Variants in MTMR7 observed in about 807,000 individuals in gnomAD.
MTMR7 encodes the protein myotubularin related protein 7.
Under a neutral mutation model 81.2 loss-of-function variants are expected in MTMR7, and 76 were observed. The observed-to-expected ratio is 0.94, with a 90% CI of 0.78 to 1.13. The LOEUF is 1.13. Ranked by LOEUF, MTMR7 falls within the 50% of genes most tolerant of loss-of-function variation. The pLI, the probability that MTMR7 is intolerant of heterozygous loss-of-function variation, is 0.00. For missense variants in MTMR7, 1,044 were observed against 820.0 expected (o/e 1.27, Z -3.34); for synonymous variants, 372 against 289.8 (o/e 1.28, Z -2.88).
intron 1 of MTMR7, among the ~76,000 whole-genome samples, chr8:17,382,598 C>G (rs1820793245): frequency 6.6e-6 from 1 of 152,154 alleles, no homozygotes; most frequent in Non-Finnish European, 1.5e-5. Flanking sequence ...TTTTTGCAAT[C>G]TTTAATGTTG....
At chr8:17,315,906 G>C (rs1481805334) in intron 7 of MTMR7, among the ~76,000 whole-genome samples, 1 of 152,130 alleles carries the variant, frequency 6.6e-6, no homozygotes, top group East Asian at 1.9e-4. Context: ...CCAGCTACTT[G>C]GGAGGCTGAG....
intron 1 of MTMR7, among the ~76,000 whole-genome samples, chr8:17,401,943 T>A (rs1167051971): frequency 1.3e-5 from 2 of 152,222 alleles, no homozygotes; most frequent in Admixed American, 6.5e-5. Context: ...CTTAAGGAAC[T>A]ATGGAATGAC....
chr8:17,395,628 T>C (rs1563377995), intron 1 of MTMR7, among the ~76,000 whole-genome samples: 2 of 152,226 alleles, frequency 1.3e-5, no homozygotes, highest in African/African-American at 2.4e-5. Flanking sequence ...CTAATGGGTA[T>C]AAAGTGGTAT....
At chr8:17,380,847 T>C (rs553061724) in intron 1 of MTMR7, among the ~76,000 whole-genome samples, 1 of 152,334 alleles carries the variant, frequency 6.6e-6, no homozygotes, top group South Asian at 2.1e-4. Flanking sequence ...GAAAATAGAA[T>C]GCTTTAAGAC....
intron 7 of MTMR7, among the ~76,000 whole-genome samples, chr8:17,325,343 G>A (rs531072237): frequency 5.5e-4 from 83 of 152,244 alleles, no homozygotes; most frequent in African/African-American, 1.9e-3. Flanking sequence ...CACACCGAAT[G>A]AAGATTTCAA....
In MTMR7 at chr8:17,371,052, G is replaced by A. The variant is rs768108975; in HGVS notation, c.295C>T (p.Arg99Cys). The A allele has an allele frequency of 3.8e-5, 62 of 1,613,420 alleles. No homozygotes were observed. The highest frequency in any genetic ancestry group is 2.9e-4 in the East Asian group (13 of 44,846). The change falls in exon 3 of 14, where the codon CGC becomes TGC. Residue 99 changes from arginine (R) to cysteine (C), a missense_variant. Coordinates refer to ENST00000180173, the MANE Select transcript of MTMR7 (RefSeq NM_004686.5). ...DCHDVYISLIRLARPVKYEEL... is the reference protein window; with the variant it reads ...DCHDVYISLICLARPVKYEEL... ...TCTGCCCTACCTGGCCTTGCAAGGC[G>A]TATCAGGGAGATGTACACGTCGTGG...
intron 1 of MTMR7, among the ~76,000 whole-genome samples, chr8:17,401,593 T>G (rs908422452): frequency 6.6e-6 from 1 of 151,138 alleles, no homozygotes; most frequent in Non-Finnish European, 1.5e-5. Context: ...CAGGAAAGAG[T>G]TGATAGTATT....
intron 7 of MTMR7, among the ~76,000 whole-genome samples, chr8:17,323,105 G>A (rs541491052): frequency 4.6e-5 from 7 of 151,456 alleles, no homozygotes; most frequent in Non-Finnish European, 7.4e-5. Flanking sequence ...ACACCACCAC[G>A]CCCAGCTAAT....
Position 17,311,609 on chromosome 8 carries a change from G to C in MTMR7, c.1003C>G (p.Leu335Val). 3.7e-6 allele frequency: 6 copies of C among 1,614,060 alleles called. No homozygotes were observed. Among genetic ancestry groups the C allele is most frequent in the Non-Finnish European group, 5.1e-6 (6 of 1,180,002 alleles). The change falls in exon 9 of 14, where the codon CTT becomes GTT. Residue 335 changes from leucine to valine, a missense_variant. Coordinates refer to ENST00000180173, the MANE Select transcript of MTMR7 (RefSeq NM_004686.5). ...TCCCAGCCATCAGAACAGTGAACAA[G>C]CACACTTGCCCCTTCCTCTGACACT... Reference protein sequence around the residue: ...KAVSEEGASVLVHCSDGWDRT... With the variant: ...KAVSEEGASVVVHCSDGWDRT...
chr8:17,331,989 GT>G (rs1475370671), intron 6 of MTMR7, among the ~76,000 whole-genome samples: 1 of 152,208 alleles, frequency 6.6e-6, no homozygotes, highest in Non-Finnish European at 1.5e-5. Flanking sequence ...ATCTGAAGAA[GT>G]TTATTAAATC....
chr8:17,339,095 A>G (rs1318263816), intron 6 of MTMR7: 1 of 152,224 alleles, frequency 6.6e-6, no homozygotes, highest in Non-Finnish European at 1.5e-5. Flanking sequence ...GTATCCACAC[A>G]AAGGATAGGA....
Position 17,297,358 on chromosome 8 carries a change from A to G in MTMR7, c.*2504T>C, listed in dbSNP as rs987136878. On this transcript the variant is annotated 3_prime_UTR_variant, in exon 14 of 14. Transcript: ENST00000180173. ...GGCATAAATTGAGACTAGGAAATTTATATCAGAATAGAGGGTGCTTGACAC... is the reference window on the plus strand; with the variant it reads ...GGCATAAATTGAGACTAGGAAATTTGTATCAGAATAGAGGGTGCTTGACAC... The G allele has an allele frequency of 2.6e-5, 4 of 152,154 alleles. 1 individual carries two copies. The highest frequency in any genetic ancestry group is 2.0e-4 in the Admixed American group (3 of 15,270). 9.4% of individuals were successfully genotyped at this position (152,154 alleles called of 1,614,324 possible). A position where few individuals can be genotyped will look rare whatever the true frequency, so the allele number is the denominator to read the frequency against.
chr8:17,307,901 G>C (rs10453160), intron 10 of MTMR7, among the ~76,000 whole-genome samples: 3 of 151,210 alleles, frequency 2.0e-5, no homozygotes, highest in East Asian at 2.0e-4. Context: ...GTGGCGGGAG[G>C]GGGGAGGGAT....
chr8:17,351,305 A>C (rs1819722387), intron 4 of MTMR7, among the ~76,000 whole-genome samples: 1 of 152,202 alleles, frequency 6.6e-6, no homozygotes, highest in South Asian at 2.1e-4. Flanking sequence ...AGAGCAAGAG[A>C]TAAGCTCCTG....
At chr8:17,347,769 A>G (rs11997467) in intron 5 of MTMR7, among the ~76,000 whole-genome samples, 20,056 of 152,126 alleles carry the variant, frequency 0.13, 3,363 homozygotes, top group East Asian at 0.39. Flanking sequence ...AGTTTTAGCT[A>G]TTTTAATGGC....
At chr8:17,403,951 C>T (rs1821500783) in intron 1 of MTMR7, among the ~76,000 whole-genome samples, 1 of 152,160 alleles carries the variant, frequency 6.6e-6, no homozygotes, top group Admixed American at 6.6e-5. Flanking sequence ...AATTCTTTGT[C>T]AGTTCCAATC....
intron 4 of MTMR7, among the ~76,000 whole-genome samples, chr8:17,351,971 G>C (rs934357180): frequency 2.0e-5 from 3 of 152,162 alleles, no homozygotes; most frequent in Non-Finnish European, 4.4e-5. Context: ...TAAATGGTAA[G>C]ATACCTGTGT....
rs76718364 is a variant in MTMR7, at chr8:17,413,255, C to G, written c.24+14G>C. ...TCCTCCCGTCCCTCCTCCGCCCGCG[C>G]TGGTGTCACCAACCTTGGGCGTACG... is the stretch of plus-strand genomic sequence containing the variant. On this transcript the variant is annotated intron_variant, in intron 1 of 13. Coordinates refer to ENST00000180173, the MANE Select transcript of MTMR7 (RefSeq NM_004686.5). The G allele has an allele frequency of 2.6e-6, 4 of 1,548,146 alleles. No homozygotes were observed. Among genetic ancestry groups the G allele is most frequent in the South Asian group, 1.2e-5 (1 of 84,000 alleles).
intron 3 of MTMR7, among the ~76,000 whole-genome samples, chr8:17,362,963 C>A (rs1057151800): frequency 6.6e-6 from 1 of 152,210 alleles, no homozygotes; most frequent in Admixed American, 6.5e-5. Flanking sequence ...GAGTAAGAAG[C>A]AACTGCTGTA....
Sources: gnomAD v4.1 joint callset for allele counts (sites outside exome capture counted in the v4.1 genomes callset) on GRCh38, gnomAD v4.1.1 for gene constraint, MANE v1.5 for transcripts, NCBI Gene and HGNC (gene_info 2026-07-23, HGNC 2026-07-21) for gene names.